PDSS1: variants seen among roughly 807,000 people sequenced by gnomAD.
PDSS1 encodes the protein decaprenyl diphosphate synthase subunit 1.
Under a neutral mutation model 57.5 loss-of-function variants are expected in PDSS1, and 43 were observed. The ratio of observed to expected loss-of-function variants is 0.75; its 90% CI spans 0.59 to 0.96. PDSS1 has a LOEUF of 0.96. Among genes scored for constraint, PDSS1 ranks in the 50% least tolerant of loss-of-function variants. The pLI, the probability that PDSS1 is intolerant of heterozygous loss-of-function variation, is 0.00. For synonymous variants in PDSS1, 175 were observed against 191.3 expected, an observed-to-expected ratio of 0.91 and a Z score of 0.70; for missense variants, 438 against 527.8, an observed-to-expected ratio of 0.83 and a Z score of 1.67.
chr10:26,704,189 G>A (rs1045353734), intron 2 of PDSS1, among the ~76,000 whole-genome samples: 6 of 149,838 alleles, frequency 4.0e-5, no homozygotes, highest in South Asian at 4.2e-4. Context: ...CCCACAATCC[G>A]ATTCATTCCA....
intron 5 of PDSS1, chr10:26,718,792 A>G (rs1189796843): frequency 6.6e-6 from 1 of 150,496 alleles, no homozygotes; most frequent in Admixed American, 6.7e-5. Context: ...AATGAGTAGC[A>G]CTGTAGACAT....
chr10:26,740,019 G>A (rs1292103966), intron 10 of PDSS1, among the ~76,000 whole-genome samples: 1 of 152,036 alleles, frequency 6.6e-6, no homozygotes, highest in Non-Finnish European at 1.5e-5. Flanking sequence ...GCTTGCGCCT[G>A]TAGTCCCAAG....
At chr10:26,715,704 C>T (rs1207041615) in intron 5 of PDSS1, 1 of 152,256 alleles carries the variant, frequency 6.6e-6, no homozygotes. Context: ...GGCACTCCTA[C>T]ACTTTCCTTA....
intron 5 of PDSS1, chr10:26,715,595 T>A (rs1588681367): frequency 6.6e-6 from 1 of 151,952 alleles, no homozygotes; most frequent in African/African-American, 2.4e-5. Flanking sequence ...CGGGGTTTCA[T>A]CATGTTGGCC....
chr10:26,746,280 C>T (rs780244153), intron 11 of PDSS1, 53 bp from the exon 12 acceptor site: 27 of 1,588,840 alleles, frequency 1.7e-5, no homozygotes, highest in Admixed American at 1.5e-4. Context: ...GAAGTTAAAA[C>T]GCTGATTCAG....
chr10:26,713,501 C>T (rs1437636396), intron 5 of PDSS1, among the ~76,000 whole-genome samples: 4 of 151,672 alleles, frequency 2.6e-5, no homozygotes, highest in Non-Finnish European at 4.4e-5. Context: ...TTGAGGTTCA[C>T]GGGAGTTGTG....
intron 11 of PDSS1, among the ~76,000 whole-genome samples, chr10:26,745,170 A>T (rs1390814109): frequency 6.6e-6 from 1 of 152,110 alleles, no homozygotes; most frequent in Non-Finnish European, 1.5e-5. Context: ...TCTCAAAAAA[A>T]ATTTAAAAAA....
intron 10 of PDSS1, among the ~76,000 whole-genome samples, chr10:26,740,056 C>T (rs560964096): frequency 6.6e-6 from 1 of 150,432 alleles, no homozygotes; most frequent in East Asian, 2.0e-4. Context: ...GCAGAGGAAT[C>T]ATTTGAACCC....
At position 26,742,619 on chromosome 10, in the gene PDSS1, C is replaced by T. The variant is rs56139006; in HGVS notation, c.1107+42C>T. 6,072 of 1,219,532 alleles carry T rather than the reference C, an allele frequency of 5.0e-3. 209 individuals carry two copies. The African/African-American group carries it at 0.074, about 15-fold the overall frequency. The allele number at this position is 1,219,532 out of a possible 1,614,324, so 75.5% of individuals were successfully genotyped here. ...AAAAAAAAGGCAGCAGCAGGAACAA[C>T]GTGGCAAAATCCTTTAATCCAAAAA... On this transcript the variant is annotated intron_variant, in intron 11 of 11. Coordinates refer to ENST00000376215, the MANE Select transcript of PDSS1 (RefSeq NM_014317.5).
chr10:26,705,076 C>G (rs1835165403), intron 3 of PDSS1, among the ~76,000 whole-genome samples: 1 of 152,118 alleles, frequency 6.6e-6, no homozygotes, highest in Admixed American at 6.6e-5. Context: ...TGTGGGTTCT[C>G]AAGGCCCTAT....
intron 6 of PDSS1, 105 bp downstream of exon 6, chr10:26,720,464 G>C (rs1252590761): frequency 2.5e-6 from 2 of 811,434 alleles, no homozygotes; most frequent in African/African-American, 3.4e-5. Context: ...TTGCTCAAAT[G>C]TAATGTGGTC....
At chr10:26,743,500 G>A (rs182600120) in intron 11 of PDSS1, among the ~76,000 whole-genome samples, 29 of 152,230 alleles carry the variant, frequency 1.9e-4, no homozygotes, top group African/African-American at 6.5e-4. Context: ...TATTCACTAC[G>A]GGTTACTGCC....
At chr10:26,726,547 C>A (rs1356219131) in intron 8 of PDSS1, among the ~76,000 whole-genome samples, 1 of 151,818 alleles carries the variant, frequency 6.6e-6, no homozygotes, top group African/African-American at 2.4e-5. Flanking sequence ...ATTAGACACA[C>A]CAAAAAGAGG....
At chr10:26,736,542 C>T (rs1339339603) in intron 10 of PDSS1, among the ~76,000 whole-genome samples, 2 of 152,192 alleles carry the variant, frequency 1.3e-5, no homozygotes, top group East Asian at 1.9e-4. Context: ...ACAGAAACCA[C>T]GGCCCTTGCT....
At chr10:26,743,267 C>T (rs1836691647) in intron 11 of PDSS1, among the ~76,000 whole-genome samples, 1 of 152,182 alleles carries the variant, frequency 6.6e-6, no homozygotes, top group Admixed American at 6.5e-5. Context: ...TGAGAATGAG[C>T]CATTTCCAAG....
intron 5 of PDSS1, among the ~76,000 whole-genome samples, chr10:26,710,015 G>T (rs550005241): frequency 4.6e-5 from 7 of 151,792 alleles, no homozygotes; most frequent in Non-Finnish European, 1.0e-4. Flanking sequence ...TTAGCCGGGC[G>T]TGGTGGCAGG....
rs1213577676 is a variant in PDSS1 at position 26,729,951 on chromosome 10, C to T, written c.832-5289C>T. 4.2e-5 allele frequency among the ~76,000 whole-genome samples: 5 copies of T among 120,234 alleles called. 1 individual carries two copies. Among genetic ancestry groups the T allele is most frequent in the East Asian group, 2.9e-4 (1 of 3,502 alleles). 78.9% of individuals were successfully genotyped at this position (120,234 alleles called of 152,430 possible). On this transcript the variant is annotated intron_variant, in intron 8 of 11. Transcript: ENST00000376215. ...TTTTTGAGACGGAGTCTTGCTCTTT[C>T]GCCCAGGCCGGAGTGCAGTGGCACT...
At chr10:26,706,894 G>A (rs1308463412) in intron 4 of PDSS1, among the ~76,000 whole-genome samples, 2 of 152,186 alleles carry the variant, frequency 1.3e-5, no homozygotes, top group Non-Finnish European at 2.9e-5. Context: ...TAAGGCAGAA[G>A]GAGAGACGGA....
Position 26,698,003 on chromosome 10 carries a change from T to C in PDSS1, c.129+163T>C, listed in dbSNP as rs2448114. 0.64 allele frequency among the ~76,000 whole-genome samples: 96,484 copies of C among 151,190 alleles called. 31,309 individuals carry two copies. The highest frequency in any genetic ancestry group is 0.8 in the East Asian group (4,013 of 4,998). On this transcript the variant is annotated intron_variant, in intron 1 of 11. Transcript: ENST00000376215. Reference sequence around the variant, plus strand: ...GTGGGACTCCGGAGCTGAGGGGTGCTCGCGGTGGGACGGAGCCGCGCGTTG... The same window carrying C: ...GTGGGACTCCGGAGCTGAGGGGTGCCCGCGGTGGGACGGAGCCGCGCGTTG...
Sources: gnomAD v4.1 joint callset for allele counts (sites outside exome capture counted in the v4.1 genomes callset) on GRCh38, gnomAD v4.1.1 for gene constraint, MANE v1.5 for transcripts, NCBI Gene and HGNC (gene_info 2026-07-23, HGNC 2026-07-21) for gene names.